The following S1PR2 variants were observed in gnomAD, a reference collection of about 807,000 sequenced individuals.
S1PR2 encodes sphingosine 1-phosphate receptor 2.
A neutral mutation model predicts 16.1 loss-of-function variants in S1PR2; 9 were observed. The observed-to-expected ratio is 0.56, with a 90% confidence interval of 0.34 to 0.98. The LOEUF is 0.98. Ranked by LOEUF, S1PR2 falls within the 50% of genes least tolerant of loss-of-function variation. The pLI, the probability that S1PR2 is intolerant of heterozygous loss-of-function variation, is 0.02. For missense variants in S1PR2, 361 were observed against 488.4 expected, an observed-to-expected ratio of 0.74 and a Z score of 2.46; for synonymous variants, 224 against 233.9, an observed-to-expected ratio of 0.96 and a Z score of 0.38.
chr19:10,228,022 C>G (rs2039646602), intron 1 of S1PR2, among the ~76,000 whole-genome samples: 1 of 151,778 alleles, frequency 6.6e-6, no homozygotes. Flanking sequence ...GTGTTTAGGC[C>G]GGGCGCAGTG....
rs539310677 is a variant in S1PR2 at position 10,224,108 on chromosome 19, G to A, written c.798C>T (p.Ile266=). Residue 266 remains isoleucine (I), a synonymous_variant, in exon 2 of 2, where the codon ATC becomes ATT. Transcript: ENST00000646641. ...DYACPVHSCP[I]LYKAHYFFAV... is the part of the protein sequence containing the mutation. ...CGAAAAAGTAGTGGGCTTTGTAGAG[G>A]ATCGGGCAGGAGTGGACGGGACAGG... The A allele has an allele frequency of 3.1e-6, 5 of 1,604,968 alleles. No homozygotes were observed. The highest frequency in any genetic ancestry group is 1.1e-5 in the South Asian group (1 of 91,086).
At chr19:10,227,633 C>T (rs2039643955) in intron 1 of S1PR2, among the ~76,000 whole-genome samples, 1 of 152,236 alleles carries the variant, frequency 6.6e-6, no homozygotes, top group African/African-American at 2.4e-5. Flanking sequence ...CTCTGATTGG[C>T]TCATTTTCAA....
intron 1 of S1PR2, among the ~76,000 whole-genome samples, chr19:10,227,171 C>T (rs937436831): frequency 6.6e-6 from 1 of 151,634 alleles, no homozygotes; most frequent in African/African-American, 2.4e-5. Context: ...GAAGTTCCAG[C>T]CTTAGCTAAA....
In S1PR2 at chr19:10,223,345, G is replaced by C. The variant is rs1393049484; in HGVS notation, c.*499C>G. ...ACTAAAGGTACAAAAAATTAGCCAGGTGTGGTGGCAGGCGCCTATAGTCCC... is the reference window on the plus strand; with the variant it reads ...ACTAAAGGTACAAAAAATTAGCCAGCTGTGGTGGCAGGCGCCTATAGTCCC... On this transcript the variant is annotated 3_prime_UTR_variant, in exon 2 of 2. Transcript: ENST00000646641. The C allele has an allele frequency of 6.5e-6, 1 of 154,444 alleles. No homozygotes were observed. The highest frequency in any genetic ancestry group is 1.4e-5 in the Non-Finnish European group (1 of 69,736). 9.6% of individuals were successfully genotyped at this position (154,444 alleles called of 1,614,324 possible). A position where few individuals can be genotyped will look rare whatever the true frequency, so the allele number is the denominator to read the frequency against.
intron 1 of S1PR2, among the ~76,000 whole-genome samples, chr19:10,228,775 T>C (rs978209667): frequency 6.6e-6 from 1 of 152,048 alleles, no homozygotes. Flanking sequence ...TGGGCTCACA[T>C]AGAATGTCCA....
rs925719011 is a variant in S1PR2 at position 10,229,899 on chromosome 19, C to A, written c.-43+1305G>T. Among the ~76,000 whole-genome samples, 4 of 152,096 alleles carry A rather than the reference C, an allele frequency of 2.6e-5. No homozygotes were observed. The East Asian group carries it at 7.7e-4, about 29-fold the overall frequency. Reference sequence around the variant, plus strand: ...CCACCTAGACAGTCAATGCCTAAGGCCAGGGAGCAAGTCAGTTATCAGCCC... The same window carrying A: ...CCACCTAGACAGTCAATGCCTAAGGACAGGGAGCAAGTCAGTTATCAGCCC... On this transcript the variant is annotated intron_variant, in intron 1 of 1. Coordinates refer to ENST00000646641, the MANE Select transcript of S1PR2 (RefSeq NM_004230.4).
intron 1 of S1PR2, among the ~76,000 whole-genome samples, chr19:10,227,509 G>A (rs1337698909): frequency 6.6e-6 from 1 of 152,182 alleles, no homozygotes; most frequent in East Asian, 1.9e-4. Flanking sequence ...TTCCCTTGCT[G>A]GACGCAGCCC....
intron 1 of S1PR2, among the ~76,000 whole-genome samples, chr19:10,227,461 C>T (rs890626786): frequency 5.9e-5 from 9 of 152,194 alleles, no homozygotes; most frequent in African/African-American, 2.2e-4. Context: ...TCCCCGGGGA[C>T]TGCTGCCCCT....
intron 1 of S1PR2, among the ~76,000 whole-genome samples, chr19:10,227,660 AATTTGCCT>A (rs1241760457): frequency 6.6e-6 from 1 of 152,210 alleles, no homozygotes; most frequent in Non-Finnish European, 1.5e-5. Context: ...GGCACTGAGC[AATTTGCCT>A]ATTGGCCCGG....
chr19:10,222,036 C>G lies in S1PR2; in HGVS notation c.*1808G>C, dbSNP rs2039596604. Reference sequence around the variant, plus strand: ...TGGGGAGGCCGAGGCGGGCGGATCACTTGAGGTCAGGAGTTTGAGACCAGC... The same window carrying G: ...TGGGGAGGCCGAGGCGGGCGGATCAGTTGAGGTCAGGAGTTTGAGACCAGC... On this transcript the variant is annotated 3_prime_UTR_variant, in exon 2 of 2. Transcript: ENST00000646641. 1 of 152,318 alleles carries G rather than the reference C, an allele frequency of 6.6e-6. No individual in the cohort carries two copies. 9.4% of individuals were successfully genotyped at this position (152,318 alleles called of 1,614,324 possible). A position where few individuals can be genotyped will look rare whatever the true frequency, so the allele number is the denominator to read the frequency against.
At chr19:10,230,895 C>T (rs1420467976) in intron 1 of S1PR2, among the ~76,000 whole-genome samples, 1 of 152,214 alleles carries the variant, frequency 6.6e-6, no homozygotes, top group Non-Finnish European at 1.5e-5. Flanking sequence ...CCCAAGACCC[C>T]GGTCCCCGAG....
chr19:10,225,205 C>T (rs532590835), intron 1 of S1PR2, among the ~76,000 whole-genome samples: 5 of 152,074 alleles, frequency 3.3e-5, no homozygotes, highest in East Asian at 1.9e-4. Context: ...CCCTAGGCTA[C>T]GCTCTTTCTT....
intron 1 of S1PR2, among the ~76,000 whole-genome samples, chr19:10,225,307 T>C (rs2039626240): frequency 6.6e-6 from 1 of 151,270 alleles, no homozygotes; most frequent in South Asian, 2.1e-4. Context: ...CCTGCAGCCT[T>C]GAACTCCTGG....
intron 1 of S1PR2, among the ~76,000 whole-genome samples, chr19:10,227,201 T>C (rs745789870): frequency 2.8e-5 from 4 of 144,904 alleles, no homozygotes; most frequent in Non-Finnish European, 6.1e-5. Context: ...GGGGGGAGAG[T>C]AGGGGGAGTC....
chr19:10,223,826 G>A lies in S1PR2; in HGVS notation c.*18C>T, dbSNP rs1488419668. ...TGAACCCCTCTGCCCTGGCCTGGTT[G>A]TTGGTCCACCCCCACCCTCAGACCA... On this transcript the variant is annotated 3_prime_UTR_variant, in exon 2 of 2. Coordinates refer to ENST00000646641, the MANE Select transcript of S1PR2 (RefSeq NM_004230.4). The A allele has an allele frequency of 6.6e-7, 1 of 1,520,398 alleles. No homozygotes were observed. The highest frequency in any genetic ancestry group is 8.8e-7 in the Non-Finnish European group (1 of 1,136,384). The allele number at this position is 1,520,398 out of a possible 1,614,324, so 94.2% of individuals were successfully genotyped here. A position where few individuals can be genotyped will look rare whatever the true frequency, so the allele number is the denominator to read the frequency against.
At chr19:10,229,343 G>A (rs1283444747) in intron 1 of S1PR2, among the ~76,000 whole-genome samples, 1 of 151,814 alleles carries the variant, frequency 6.6e-6, no homozygotes, top group Non-Finnish European at 1.5e-5. Context: ...AGGCTAGAGT[G>A]CAGTGGTGTG....
chr19:10,224,978 A>C, intron 1 of S1PR2, 31 bp from the exon 2 acceptor site: 2 of 1,262,382 alleles, frequency 1.6e-6, no homozygotes, highest in Non-Finnish European at 2.2e-6. Flanking sequence ...CAGACAGACA[A>C]TAGGTCAGAG....
In S1PR2 at chr19:10,231,243, G is replaced by T. The variant is rs1334058709; in HGVS notation, c.-82C>A. On this transcript the variant is annotated 5_prime_UTR_variant, in exon 1 of 2. Coordinates refer to ENST00000646641, the MANE Select transcript of S1PR2 (RefSeq NM_004230.4). ...CCGGCTCCCGGCCCTGGCCGGAGGGGCCTTGGCGTCTGCGTCCCCAGGGCG... is the reference window on the plus strand; with the variant it reads ...CCGGCTCCCGGCCCTGGCCGGAGGGTCCTTGGCGTCTGCGTCCCCAGGGCG... 2 of 152,370 alleles carry T rather than the reference G, an allele frequency of 1.3e-5. No homozygotes were observed. Among genetic ancestry groups the T allele is most frequent in the Non-Finnish European group, 2.9e-5 (2 of 68,174 alleles). 9.4% of individuals were successfully genotyped at this position (152,370 alleles called of 1,614,324 possible).
chr19:10,231,017 C>T (rs985677063), intron 1 of S1PR2, among the ~76,000 whole-genome samples, 187 bp downstream of exon 1: 9 of 152,228 alleles, frequency 5.9e-5, no homozygotes, highest in African/African-American at 2.2e-4. Flanking sequence ...TGCGGGTTCG[C>T]GGCCGAGGCA....
Sources: gnomAD v4.1 joint callset for allele counts (sites outside exome capture counted in the v4.1 genomes callset) on GRCh38, gnomAD v4.1.1 for gene constraint, MANE v1.5 for transcripts, NCBI Gene and HGNC (gene_info 2026-07-23, HGNC 2026-07-21) for gene names.